The following ALDH4A1 variants were observed in gnomAD, a reference collection of about 807,000 sequenced individuals.
The protein encoded by ALDH4A1 is aldehyde dehydrogenase 4 family member A1, also known as delta-1-pyrroline-5-carboxylate dehydrogenase, mitochondrial.
In ALDH4A1, 46 loss-of-function variants were observed where a neutral mutation model predicts 70.5. The observed-to-expected ratio is 0.65, with a 90% CI of 0.51 to 0.83. The LOEUF is 0.83. Ranked by LOEUF, ALDH4A1 falls within the 40% of genes least tolerant of loss-of-function variation. ALDH4A1 has a pLI of 0.00. For synonymous variants in ALDH4A1, 323 were observed against 324.3 expected, an observed-to-expected ratio of 1.00 and a Z score of 0.04; for missense variants, 749 against 766.5, an observed-to-expected ratio of 0.98 and a Z score of 0.27.
chr1:18,879,424 G>C, intron 8 of ALDH4A1, 51 bp from the exon 9 acceptor site: 2 of 1,543,852 alleles, frequency 1.3e-6, no homozygotes. Flanking sequence ...CCAGAGGAAG[G>C]GGGCGGAAAA....
At chr1:18,889,289 G>T in intron 3 of ALDH4A1, 73 bp downstream of exon 3, 1 of 1,367,258 alleles carries the variant, frequency 7.3e-7, no homozygotes. Flanking sequence ...CACATTATAA[G>T]CTTACGAGCT....
At chr1:18,878,517 G>A (rs369337607) in intron 9 of ALDH4A1, among the ~76,000 whole-genome samples, 12 of 152,142 alleles carry the variant, frequency 7.9e-5, no homozygotes, top group Non-Finnish European at 1.3e-4. Flanking sequence ...CTGGACCACC[G>A]GTCCCAGCTC....
At chr1:18,885,441 G>GGGCCCC in intron 5 of ALDH4A1, 32 bp downstream of exon 5, 3 of 423,736 alleles carry the variant, frequency 7.1e-6, no homozygotes, top group Non-Finnish European at 1.2e-5. Context: ...ACCCCACCCC[G>GGGCCCC]CCCCACCCAC....
intron 5 of ALDH4A1, 46 bp downstream of exon 5, chr1:18,885,427 T>TTGCCC: frequency 1.5e-6 from 1 of 650,922 alleles, no homozygotes; most frequent in Non-Finnish European, 2.7e-6. Flanking sequence ...CACACCTGAC[T>TTGCCC]CCCACCCCAC....
intron 1 of ALDH4A1, among the ~76,000 whole-genome samples, chr1:18,899,668 G>A (rs1452067611): frequency 2.0e-5 from 3 of 152,198 alleles, no homozygotes; most frequent in Non-Finnish European, 4.4e-5. Flanking sequence ...CTGTGAAATG[G>A]GGGTGGTAAC....
In ALDH4A1 at chr1:18,876,429, G is replaced by A. The variant is rs1187716485; in HGVS notation, c.1224C>T (p.Arg408=). 6.2e-7 allele frequency: 1 copy of A among 1,608,568 alleles called. No individual in the cohort carries two copies. The highest frequency in any genetic ancestry group is 8.5e-7 in the Non-Finnish European group (1 of 1,178,304). Reference sequence around the variant, plus strand: ...CCAGGATGGTGAGGCTGGGTGAGGAGCGTGCGTGCTCCAGCCACTTCTTGA... The same window carrying A: ...CCAGGATGGTGAGGCTGGGTGAGGAACGTGCGTGCTCCAGCCACTTCTTGA... The part of the protein sequence containing the change: ...ARIKKWLEHA[R]SSPSLTILAG... The change falls in exon 12 of 15, where the codon CGC becomes CGT. Residue 408 remains arginine (R), a synonymous_variant. Transcript: ENST00000375341.
intron 6 of ALDH4A1, 38 bp downstream of exon 6, chr1:18,883,241 G>A: frequency 6.2e-7 from 1 of 1,613,118 alleles, no homozygotes; most frequent in Non-Finnish European, 8.5e-7. Flanking sequence ...ATGGCATTGG[G>A]CTGCCCCGCC....
chr1:18,882,558 CT>C (rs762231363), intron 7 of ALDH4A1: 1 of 532,072 alleles, frequency 1.9e-6, no homozygotes, highest in Non-Finnish European at 3.9e-6. Flanking sequence ...ACATCCAAAT[CT>C]TTCTCTGCTC....
chr1:18,875,531 C>A, intron 12 of ALDH4A1, 28 bp from the exon 13 acceptor site: 1 of 1,613,770 alleles, frequency 6.2e-7, no homozygotes, highest in Non-Finnish European at 8.5e-7. Flanking sequence ...GCGTCAGACC[C>A]TCCACGGGAC....
At chr1:18,883,051 G>C (rs1266832001) in intron 7 of ALDH4A1, 73 bp downstream of exon 7, 1 of 1,595,474 alleles carries the variant, frequency 6.3e-7, no homozygotes, top group African/African-American at 1.3e-5. Flanking sequence ...AGGGGCTCAG[G>C]GTGGCCTCTG....
intron 1 of ALDH4A1, among the ~76,000 whole-genome samples, chr1:18,893,115 T>C (rs570179323): frequency 4.6e-5 from 7 of 152,184 alleles, no homozygotes; most frequent in Admixed American, 2.6e-4. Context: ...AATAACTGAG[T>C]CTGTCCCAGC....
Position 18,875,421 on chromosome 1 carries a change from G to A in ALDH4A1, c.1421C>T (p.Thr474Ile), listed in dbSNP as rs1934633607. Reference protein sequence around the residue: ...KETLQLVDSTTSYGLTGAVFS... With the variant: ...KETLQLVDSTISYGLTGAVFS... ...CACTGCCCCCGTGAGGCCATAGCTG[G>A]TGGTGCTGTCAACCAGCTGCAGCGT... Residue 474 changes from threonine (T) to isoleucine (I), a missense_variant, in exon 13 of 15, where the codon ACC becomes ATC. Physicochemically the swap from Thr to Ile is moderately conservative, Grantham distance 89. Transcript: ENST00000375341. 6.2e-7 allele frequency: 1 copy of A among 1,614,182 alleles called. No individual in the cohort carries two copies. Among genetic ancestry groups the A allele is most frequent in the African/African-American group, 1.3e-5 (1 of 75,040 alleles).
intron 13 of ALDH4A1, among the ~76,000 whole-genome samples, chr1:18,874,822 G>A (rs1378836540): frequency 6.6e-6 from 1 of 152,236 alleles, no homozygotes; most frequent in Admixed American, 6.5e-5. Flanking sequence ...CTACTGCGAA[G>A]TTGAAGGGAG....
chr1:18,896,339 G>C (rs1193053330), intron 1 of ALDH4A1, among the ~76,000 whole-genome samples: 1 of 152,156 alleles, frequency 6.6e-6, no homozygotes, highest in Admixed American at 6.5e-5. Context: ...AGGCCCCCAG[G>C]ACTGGACTCC....
chr1:18,875,300 G>C, intron 13 of ALDH4A1, 82 bp downstream of exon 13: 1 of 1,606,432 alleles, frequency 6.2e-7, no homozygotes, highest in Non-Finnish European at 8.5e-7. Context: ...ATTATTACTG[G>C]GAACCACGTC....
intron 14 of ALDH4A1, among the ~76,000 whole-genome samples, chr1:18,874,070 C>G (rs185698674): frequency 6.6e-6 from 1 of 152,240 alleles, no homozygotes; most frequent in Non-Finnish European, 1.5e-5. Context: ...AACCCCAGCA[C>G]GCCTGGGTTC....
chr1:18,887,580 CAG>C (rs1172380884), intron 3 of ALDH4A1, among the ~76,000 whole-genome samples: 4 of 151,890 alleles, frequency 2.6e-5, no homozygotes, highest in African/African-American at 9.7e-5. Flanking sequence ...GCCTGGGCGA[CAG>C]AGCGAGACTC....
intron 3 of ALDH4A1, among the ~76,000 whole-genome samples, chr1:18,888,495 C>T (rs181285692): frequency 6.6e-6 from 1 of 152,364 alleles, no homozygotes; most frequent in Admixed American, 6.5e-5. Context: ...AGTATCCACC[C>T]AGGGGCTTAT....
At position 18,894,403 on chromosome 1, in the gene ALDH4A1, C is replaced by T. The variant is rs534470588; in HGVS notation, c.63-4298G>A. Among the ~76,000 whole-genome samples, 158 of 152,278 alleles carry T rather than the reference C, an allele frequency of 1.0e-3. 1 individual carries two copies. Among genetic ancestry groups the T allele is most frequent in the Middle Eastern group, 6.8e-3 (2 of 294 alleles). Reference sequence around the variant, plus strand: ...TAAAACTACAAAAAAATTAGCCAGACGTGGTGGCACGCGCCTATACACCCA... The same window carrying T: ...TAAAACTACAAAAAAATTAGCCAGATGTGGTGGCACGCGCCTATACACCCA... On this transcript the variant is annotated intron_variant, in intron 1 of 14. Transcript: ENST00000375341.
Sources: gnomAD v4.1 joint callset for allele counts (sites outside exome capture counted in the v4.1 genomes callset) on GRCh38, gnomAD v4.1.1 for gene constraint, MANE v1.5 for transcripts, NCBI Gene and HGNC (gene_info 2026-07-23, HGNC 2026-07-21) for gene names.